SRFBP1: variants seen among roughly 807,000 people sequenced by gnomAD.
SRFBP1 encodes the protein serum response factor-binding protein 1.
In SRFBP1, 47 loss-of-function variants were observed where a neutral mutation model predicts 45.5. The ratio of observed to expected loss-of-function variants is 1.03; its 90% CI spans 0.82 to 1.32. The LOEUF is 1.32. Ranked by LOEUF, SRFBP1 falls within the 40% of genes most tolerant of loss-of-function variation. The pLI, the probability that SRFBP1 is intolerant of heterozygous loss-of-function variation, is 0.00. For missense variants in SRFBP1, 621 were observed against 484.6 expected (o/e 1.28, Z -2.64); for synonymous variants, 203 against 166.3 (o/e 1.22, Z -1.70).
intron 7 of SRFBP1, among the ~76,000 whole-genome samples, chr5:122,025,727 A>G (rs1244496547): frequency 6.6e-6 from 1 of 152,148 alleles, no homozygotes; most frequent in Admixed American, 6.5e-5. Flanking sequence ...TGTCTAGATA[A>G]TGTTTTGTAA....
chr5:122,068,157 C>A (rs928749506), intron 2 of SRFBP1, among the ~76,000 whole-genome samples: 32 of 118,680 alleles, frequency 2.7e-4, no homozygotes, highest in African/African-American at 8.9e-4. Flanking sequence ...AAGTTTGTTA[C>A]AGTCAGTAAT....
intron 2 of SRFBP1, among the ~76,000 whole-genome samples, chr5:122,060,370 C>T (rs981739262): frequency 6.6e-6 from 1 of 152,006 alleles, no homozygotes; most frequent in Non-Finnish European, 1.5e-5. Flanking sequence ...TCCATAATAA[C>T]TCACCCTCAT....
intron 1 of SRFBP1, among the ~76,000 whole-genome samples, chr5:121,963,178 C>A (rs920799653): frequency 6.6e-6 from 1 of 152,074 alleles, no homozygotes; most frequent in Non-Finnish European, 1.5e-5. Context: ...GTGGGTAATA[C>A]AGGGATAAGT....
downstream of SRFBP1, chr5:122,077,830 C>T (rs1402327326): frequency 6.4e-7 from 1 of 1,552,200 alleles, no homozygotes; most frequent in Non-Finnish European, 8.7e-7. The surrounding 1 kb of genome is among the most constrained non-coding windows in gnomAD (Gnocchi z 4.9). Flanking sequence ...TGAACACCTG[C>T]CCGTTGTTCT....
intron 4 of SRFBP1, among the ~76,000 whole-genome samples, chr5:122,004,229 T>G (rs1231945877): frequency 6.6e-6 from 1 of 152,228 alleles, no homozygotes; most frequent in Non-Finnish European, 1.5e-5. Context: ...TGCATATATC[T>G]TATGTTTTCC....
intron 4 of SRFBP1, among the ~76,000 whole-genome samples, chr5:122,015,250 A>G (rs1753173261): frequency 6.6e-6 from 1 of 152,204 alleles, no homozygotes. Context: ...TTCATTGGAT[A>G]CCAAATTGTT....
intron 1 of SRFBP1, among the ~76,000 whole-genome samples, chr5:121,972,349 C>T (rs1008195315): frequency 6.6e-6 from 1 of 151,748 alleles, no homozygotes; most frequent in Non-Finnish European, 1.5e-5. Flanking sequence ...TTATTTTCTC[C>T]ACACGATTGA....
chr5:122,001,674 G>A (rs1342703717), intron 4 of SRFBP1, among the ~76,000 whole-genome samples: 1 of 148,772 alleles, frequency 6.7e-6, no homozygotes, highest in African/African-American at 2.5e-5. Flanking sequence ...CCATTCTCCT[G>A]CCTCAGCCTC....
downstream of SRFBP1, chr5:122,076,203 C>T (rs573065070): frequency 6.6e-6 from 1 of 152,318 alleles, no homozygotes; most frequent in Admixed American, 6.5e-5. Flanking sequence ...TACAAATAAA[C>T]ATCACTGTGT....
chr5:122,041,020 A>C (rs1753764264), intron 2 of SRFBP1, among the ~76,000 whole-genome samples: 1 of 152,304 alleles, frequency 6.6e-6, no homozygotes, highest in South Asian at 2.1e-4. Flanking sequence ...GACAATTTTG[A>C]ACAGTGGTTG....
intron 3 of SRFBP1, among the ~76,000 whole-genome samples, chr5:121,979,925 A>C (rs1229225236): frequency 6.6e-6 from 1 of 152,136 alleles, no homozygotes. Flanking sequence ...TGTTTATTGT[A>C]AGCATCCTTA....
chr5:122,037,899 T>A (rs1753718118), intron 2 of SRFBP1, among the ~76,000 whole-genome samples: 1 of 152,200 alleles, frequency 6.6e-6, no homozygotes, highest in African/African-American at 2.4e-5. Flanking sequence ...AACCAATTAG[T>A]ATACAACTAA....
chr5:121,962,215 G>A (rs1038559143), intron 1 of SRFBP1, 147 bp downstream of exon 1: 7 of 937,694 alleles, frequency 7.5e-6, no homozygotes, highest in Non-Finnish European at 9.8e-6. Context: ...TTGGAGTTTG[G>A]CAACCGGTAA....
At chr5:121,967,167 G>T (rs958399656) in intron 1 of SRFBP1, among the ~76,000 whole-genome samples, 1 of 152,022 alleles carries the variant, frequency 6.6e-6, no homozygotes, top group African/African-American at 2.4e-5. Flanking sequence ...AGACAGTAAA[G>T]GTAGAAACTA....
chr5:122,077,936 G>C (rs765159521), downstream of SRFBP1: 2 of 1,500,014 alleles, frequency 1.3e-6, no homozygotes, highest in Non-Finnish European at 1.8e-6. This position sits in a 1 kb window ranked among gnomAD's most constrained non-coding sequence, Gnocchi z 4.9. Flanking sequence ...GTGCACTAGC[G>C]CGCAGAGCTG....
downstream of SRFBP1, among the ~76,000 whole-genome samples, chr5:122,032,848 A>T (rs1753612028): frequency 1.3e-5 from 2 of 152,174 alleles, no homozygotes; most frequent in South Asian, 4.1e-4. Context: ...TTTGTTGAAA[A>T]TTGCTAAGTT....
chr5:122,009,636 A>G (rs747274657), intron 4 of SRFBP1, among the ~76,000 whole-genome samples: 8 of 152,208 alleles, frequency 5.3e-5, no homozygotes, highest in Admixed American at 1.3e-4. Flanking sequence ...GTGACCACAA[A>G]TAGTTAAAAT....
chr5:122,068,297 C>A (rs1383671568), intron 2 of SRFBP1, among the ~76,000 whole-genome samples: 1 of 151,760 alleles, frequency 6.6e-6, no homozygotes, highest in Non-Finnish European at 1.5e-5. Context: ...TCTAGCAATA[C>A]CCAATTCAAT....
Position 122,065,073 on chromosome 5 carries a change from G to A in SRFBP1, n.312-10242G>A, listed in dbSNP as rs575796396. The A allele has an allele frequency of 6.6e-5, 10 of 152,156 alleles. No individual in the cohort carries two copies. In the South Asian group the frequency reaches 1.9e-3, roughly 28 times the overall value. 9.4% of individuals were successfully genotyped at this position (152,156 alleles called of 1,614,324 possible). A position where few individuals can be genotyped will look rare whatever the true frequency, so the allele number is the denominator to read the frequency against. ...TAAGGCAAAGAGGTACATCAAAGAA[G>A]CTATTCCATAGCTCAGTTACAGCTC... On this transcript the variant is annotated intron_variant and non_coding_transcript_variant, in intron 2 of 2. Transcript: ENST00000504881.
Sources: gnomAD v4.1 joint callset for allele counts (sites outside exome capture counted in the v4.1 genomes callset) on GRCh38, gnomAD v4.1.1 for gene constraint, Gnocchi (gnomAD v3.1) non-coding constraint, MANE v1.5 for transcripts, NCBI Gene and HGNC (gene_info 2026-07-23, HGNC 2026-07-21) for gene names.